Variants in SPTBN1 observed in about 807,000 individuals in gnomAD.
The protein encoded by SPTBN1 is spectrin beta, non-erythrocytic 1, also known as spectrin beta chain, non-erythrocytic 1.
A neutral mutation model predicts 266.4 loss-of-function variants in SPTBN1; 32 were observed. The observed-to-expected ratio is 0.12, with a 90% CI of 0.09 to 0.16. The LOEUF (loss-of-function observed/expected upper bound fraction) is 0.16. SPTBN1 is among the 10% of genes least tolerant of loss of function. The probability of loss-of-function intolerance (pLI) is 1.00; values close to 1 mark genes in which losing one functional copy is unlikely to be tolerated. For missense variants in SPTBN1, 2,296 were observed against 3,067.1 expected (o/e 0.75, Z 5.94); for synonymous variants, 1,336 against 1,162.2 (o/e 1.15, Z -3.04).
At chr2:54,501,157 CTG>C (rs1491265155) in intron 1 of SPTBN1, among the ~76,000 whole-genome samples, 3 of 152,202 alleles carry the variant, frequency 2.0e-5, no homozygotes, top group Non-Finnish European at 4.4e-5. Flanking sequence ...GAGCAGGACT[CTG>C]GGGTCCCCAG....
chr2:54,668,668 T>C lies in SPTBN1; in HGVS notation c.*99T>C, dbSNP rs1681546878. Reference sequence around the variant, plus strand: ...CATTACTCTCTGTGCCTAATGTTCCTCAATGTGGTTGATTTTTTTTTTTTT... The same window carrying C: ...CATTACTCTCTGTGCCTAATGTTCCCCAATGTGGTTGATTTTTTTTTTTTT... On this transcript the variant is annotated 3_prime_UTR_variant, in exon 36 of 36. Transcript: ENST00000356805. The C allele has an allele frequency of 3.8e-6, 3 of 785,242 alleles. No individual in the cohort carries two copies. Among genetic ancestry groups the C allele is most frequent in the Admixed American group, 3.4e-5 (1 of 29,330 alleles). The allele number at this position is 785,242 out of a possible 1,614,324, so 48.6% of individuals were successfully genotyped here.
At chr2:54,555,365 G>A (rs2104447145) in intron 2 of SPTBN1, among the ~76,000 whole-genome samples, 1 of 152,294 alleles carries the variant, frequency 6.6e-6, no homozygotes, top group Non-Finnish European at 1.5e-5. Flanking sequence ...AGAAGGAAAT[G>A]TGCACTTGTC....
Position 54,668,421 on chromosome 2 carries a change from G to C in SPTBN1, c.6947G>C (p.Ser2316Thr). ...ISSDKHEVSA[S>T]TQSTPASSRA... is the part of the protein sequence containing the mutation. The stretch of plus-strand genomic sequence containing the variant: ...TCTGATAAACACGAGGTGTCTGCCA[G>C]CACCCAGAGCACGCCAGCATCCAGC... Residue 2316 changes from serine (S) to threonine (T), a missense_variant, in exon 36 of 36, where the codon AGC becomes ACC. Around this residue, in one of 12 missense-constraint regions of SPTBN1, gnomAD observed 347 missense variants for 368.5 expected, o/e 0.94. Coordinates refer to ENST00000356805, the MANE Select transcript of SPTBN1 (RefSeq NM_003128.3). 6.2e-7 allele frequency: 1 copy of C among 1,614,202 alleles called. No homozygotes were observed. Among genetic ancestry groups the C allele is most frequent in the Non-Finnish European group, 8.5e-7 (1 of 1,180,030 alleles).
chr2:54,491,359 A>G (rs2104016696), intron 1 of SPTBN1, among the ~76,000 whole-genome samples: 1 of 152,284 alleles, frequency 6.6e-6, no homozygotes, highest in East Asian at 1.9e-4. Flanking sequence ...AGGTAGAAAA[A>G]AATTTCATTA....
At chr2:54,539,312 T>C (rs1283401394) in intron 2 of SPTBN1, among the ~76,000 whole-genome samples, 1 of 152,236 alleles carries the variant, frequency 6.6e-6, no homozygotes, top group Non-Finnish European at 1.5e-5. Flanking sequence ...AATTTCCTCC[T>C]AATTTTTGTG....
chr2:54,561,381 G>A (rs993883223), intron 2 of SPTBN1, among the ~76,000 whole-genome samples: 3 of 152,236 alleles, frequency 2.0e-5, no homozygotes, highest in South Asian at 2.1e-4. Context: ...TGATCCTCCC[G>A]CCTTCACTTC....
chr2:54,572,183 C>T (rs1674133251), intron 2 of SPTBN1, among the ~76,000 whole-genome samples: 2 of 152,106 alleles, frequency 1.3e-5, no homozygotes, highest in African/African-American at 4.8e-5. Context: ...GAAACAGTTC[C>T]CCTAGAAATT....
chr2:54,578,749 GGTGTGTGTGT>G (rs34536803), intron 2 of SPTBN1, among the ~76,000 whole-genome samples: 10 of 147,630 alleles, frequency 6.8e-5, no homozygotes, highest in South Asian at 4.4e-4. Flanking sequence ...CTTCTGATGG[GGTGTGTGTGT>G]GTGTGTGTGT....
At chr2:54,570,432 G>A (rs574291628) in intron 2 of SPTBN1, among the ~76,000 whole-genome samples, 2 of 152,294 alleles carry the variant, frequency 1.3e-5, no homozygotes, top group East Asian at 1.9e-4. Flanking sequence ...ACTGAGGCAC[G>A]CTTTATTCAT....
At chr2:54,536,498 A>T (rs1474382886) in intron 2 of SPTBN1, among the ~76,000 whole-genome samples, 1 of 152,234 alleles carries the variant, frequency 6.6e-6, no homozygotes, top group Non-Finnish European at 1.5e-5. Context: ...TAAAGAAGAT[A>T]GTTGTGATTA....
intron 9 of SPTBN1, 44 bp from the exon 10 acceptor site, chr2:54,623,433 ATT>A: frequency 6.5e-7 from 1 of 1,535,802 alleles, no homozygotes; most frequent in South Asian, 1.1e-5. Context: ...ACAGTGTGAA[ATT>A]TTTTTTTCTC....
At chr2:54,619,616 C>A (rs1327516044) in intron 7 of SPTBN1, among the ~76,000 whole-genome samples, 1 of 152,190 alleles carries the variant, frequency 6.6e-6, no homozygotes, top group Admixed American at 6.5e-5. Flanking sequence ...CAGTTAAAAT[C>A]TACTTGTAGA....
rs546213924 is a variant in SPTBN1 at position 54,622,602 on chromosome 2, G to A, written c.1064+115G>A. 174 of 1,182,306 alleles carry A rather than the reference G, an allele frequency of 1.5e-4. No individual in the cohort carries two copies. In the African/African-American group the frequency reaches 1.7e-3, roughly 11 times the overall value. 73.2% of individuals were successfully genotyped at this position (1,182,306 alleles called of 1,614,324 possible). On this transcript the variant is annotated intron_variant, in intron 9 of 35. Transcript: ENST00000356805. The stretch of plus-strand genomic sequence containing the variant: ...TCTCTTAACTGAATGCCTTTCAGTA[G>A]TGTGTCCTACTCCTTTTCATCTGAC...
At chr2:54,661,573 G>A in intron 32 of SPTBN1, 2 of 985,822 alleles carry the variant, frequency 2.0e-6, no homozygotes, top group Non-Finnish European at 2.4e-6. Context: ...TCTGGGGGTA[G>A]TATGCATCAT....
intron 1 of SPTBN1, among the ~76,000 whole-genome samples, chr2:54,499,070 G>A (rs1669119514): frequency 6.6e-6 from 1 of 152,136 alleles, no homozygotes; most frequent in Non-Finnish European, 1.5e-5. Context: ...TGGAGCACAG[G>A]TGTGTCCTGA....
intron 32 of SPTBN1, chr2:54,662,167 G>T (rs1286583609): frequency 9.1e-6 from 9 of 985,262 alleles, no homozygotes; most frequent in Non-Finnish European, 1.1e-5. Context: ...AACGTGGGGG[G>T]TGGGGTTGCG....
At position 54,599,419 on chromosome 2, in the gene SPTBN1, A is replaced by G. The variant is rs148488440; in HGVS notation, c.300+176A>G. Among the ~76,000 whole-genome samples the G allele has an allele frequency of 5.0e-3, 755 of 152,292 alleles. 12 individuals carry two copies. The highest frequency in any genetic ancestry group is 3.7e-3 in the Non-Finnish European group (255 of 68,016). On this transcript the variant is annotated intron_variant, in intron 3 of 35. Transcript: ENST00000356805. ...CCTTAGTGTCACATTCTGAGCGTGG[A>G]TGATGTTCTTGAGCTGTAATAAAGC...
chr2:54,483,474 C>A (rs989844449), intron 1 of SPTBN1, among the ~76,000 whole-genome samples: 2 of 152,180 alleles, frequency 1.3e-5, no homozygotes, highest in African/African-American at 2.4e-5. Flanking sequence ...GGAGATTGTT[C>A]CTCCTGCAGG....
intron 2 of SPTBN1, among the ~76,000 whole-genome samples, chr2:54,596,343 A>G (rs984092208): frequency 2.0e-5 from 3 of 152,104 alleles, no homozygotes; most frequent in Non-Finnish European, 2.9e-5. Flanking sequence ...CACCAAATAG[A>G]TTTCTTTTCC....
Sources: allele counts gnomAD v4.1 joint callset (sites outside exome capture counted in the v4.1 genomes callset), GRCh38; gene constraint gnomAD v4.1.1; regional missense constraint gnomAD v4.1.1; transcripts MANE v1.5; gene names NCBI Gene and HGNC (gene_info 2026-07-23, HGNC 2026-07-21).